The following NFASC variants were observed in gnomAD, a reference collection of about 807,000 sequenced individuals.
NFASC encodes the protein neurofascin homolog.
A neutral mutation model predicts 147.5 loss-of-function variants in NFASC; 43 were observed. That is an observed-to-expected ratio of 0.29 (90% CI 0.23 to 0.38). The LOEUF (loss-of-function observed/expected upper bound fraction) is 0.38, where lower values mean the gene tolerates loss of function less well. NFASC is among the 10% of genes least tolerant of loss of function. The pLI is 1.00. For synonymous variants in NFASC, 622 were observed against 665.5 expected (o/e 0.93, Z 1.01); for missense variants, 1,320 against 1,689.0 (o/e 0.78, Z 3.83).
rs375254568 is a variant in NFASC, at chr1:204,997,162, C to T, written c.2783-8C>T. ...ACCAGACTCGGCTGTTTTACATTTC[C>T]CTCTCAGCTCCTCCCACATTGCCCC... On this transcript the variant is annotated splice_region_variant and splice_polypyrimidine_tract_variant and intron_variant, in intron 24 of 29. Transcript: ENST00000339876. 8.8e-5 allele frequency: 142 copies of T among 1,604,946 alleles called. No homozygotes were observed. Among genetic ancestry groups the T allele is most frequent in the Admixed American group, 6.2e-4 (37 of 59,716 alleles).
chr1:204,908,556 T>C (rs2086563010), intron 1 of NFASC, among the ~76,000 whole-genome samples: 1 of 152,180 alleles, frequency 6.6e-6, no homozygotes, highest in Non-Finnish European at 1.5e-5. Flanking sequence ...TTGTAGCAGA[T>C]AACACTACTT....
chr1:204,936,932 C>CTT (rs751540086), intron 2 of NFASC, among the ~76,000 whole-genome samples: 1 of 152,254 alleles, frequency 6.6e-6, no homozygotes, highest in Non-Finnish European at 1.5e-5. Flanking sequence ...GCCATGCTGG[C>CTT]TTCTCTCAGT....
chr1:204,920,938 C>G (rs2090339723), intron 2 of NFASC, among the ~76,000 whole-genome samples, 198 bp downstream of exon 2: 1 of 152,176 alleles, frequency 6.6e-6, no homozygotes, highest in Non-Finnish European at 1.5e-5. Flanking sequence ...GTTCTCCTTG[C>G]AAGGAGGCTG....
intron 1 of NFASC, among the ~76,000 whole-genome samples, chr1:204,906,048 G>A (rs553991022): frequency 1.7e-4 from 26 of 152,224 alleles, no homozygotes; most frequent in African/African-American, 5.8e-4. Flanking sequence ...TTCCTGCCTA[G>A]ATGTCTGTTG....
intron 1 of NFASC, among the ~76,000 whole-genome samples, chr1:204,853,948 T>C (rs1441019655): frequency 6.6e-6 from 1 of 152,200 alleles, no homozygotes; most frequent in Non-Finnish European, 1.5e-5. Context: ...TGGGGGCTTC[T>C]GCTTGGCTTC....
chr1:204,846,955 G>GTGTGTGTACGCGTGTGTGTGTC (rs200109608), intron 1 of NFASC, among the ~76,000 whole-genome samples: 6 of 146,576 alleles, frequency 4.1e-5, no homozygotes, highest in African/African-American at 1.5e-4. Flanking sequence ...GTGTACGCGT[G>GTGTGTGTACGCGTGTGTGTGTC]TGTGTGTGTG....
intron 1 of NFASC, among the ~76,000 whole-genome samples, chr1:204,892,033 C>T (rs760207134): frequency 7.2e-5 from 11 of 152,188 alleles, no homozygotes; most frequent in Non-Finnish European, 1.3e-4. Flanking sequence ...AGGAATGTGC[C>T]TTGTATGCTG....
rs114533863 is a variant in NFASC at position 204,984,973 on chromosome 1, G to A, written c.2471-2445G>A. Among the ~76,000 whole-genome samples, 552 of 152,338 alleles carry A rather than the reference G, an allele frequency of 3.6e-3. 2 individuals carry two copies. The highest frequency in any genetic ancestry group is 0.013 in the African/African-American group (537 of 41,566). Reference sequence around the variant, plus strand: ...GTTGGAGGCAGAGCAAGAGAGGCTAGTCTCTTCCCAGGAAATGAATTTGGC... The same window carrying A: ...GTTGGAGGCAGAGCAAGAGAGGCTAATCTCTTCCCAGGAAATGAATTTGGC... On this transcript the variant is annotated intron_variant, in intron 21 of 29. Coordinates refer to ENST00000339876, the MANE Select transcript of NFASC (RefSeq NM_001005388.3).
intron 7 of NFASC, among the ~76,000 whole-genome samples, chr1:204,956,708 T>A (rs543180029): frequency 1.1e-4 from 16 of 152,158 alleles, no homozygotes; most frequent in Non-Finnish European, 2.4e-4. Flanking sequence ...CTACAGTAAA[T>A]CAGGAATGGT....
intron 1 of NFASC, among the ~76,000 whole-genome samples, chr1:204,835,186 T>C (rs1351967504): frequency 1.3e-5 from 2 of 151,714 alleles, no homozygotes; most frequent in East Asian, 3.9e-4. Context: ...GAAAAGCCTC[T>C]TGCAAGAGGA....
intron 1 of NFASC, among the ~76,000 whole-genome samples, chr1:204,871,735 C>G (rs1475262043): frequency 6.6e-6 from 1 of 152,218 alleles, no homozygotes; most frequent in African/African-American, 2.4e-5. Flanking sequence ...TCAGGAGAGC[C>G]TTGGTTTCCT....
chr1:204,978,597 CA>C (rs2095452583), intron 17 of NFASC, among the ~76,000 whole-genome samples: 1 of 152,254 alleles, frequency 6.6e-6, no homozygotes, highest in African/African-American at 2.4e-5. Context: ...ACTCCCTCAT[CA>C]GCCTTCCTAA....
chr1:204,959,699 C>A (rs927497951), intron 8 of NFASC, among the ~76,000 whole-genome samples: 1 of 152,258 alleles, frequency 6.6e-6, no homozygotes, highest in Non-Finnish European at 1.5e-5. Flanking sequence ...TTCTGTCATC[C>A]TGGGCAGAGC....
intron 8 of NFASC, among the ~76,000 whole-genome samples, chr1:204,960,191 G>A (rs929926114): frequency 2.0e-5 from 3 of 152,316 alleles, no homozygotes; most frequent in African/African-American, 7.2e-5. Flanking sequence ...TTCTCACCAG[G>A]CACTCCTGTC....
chr1:204,961,930 T>G (rs1319564502), intron 8 of NFASC, among the ~76,000 whole-genome samples: 4 of 152,254 alleles, frequency 2.6e-5, no homozygotes, highest in Non-Finnish European at 5.9e-5. Context: ...TGTTTTGTGT[T>G]GCTTGTTCTT....
chr1:204,913,589 G>T (rs2088288756), intron 1 of NFASC, among the ~76,000 whole-genome samples: 1 of 152,114 alleles, frequency 6.6e-6, no homozygotes, highest in Non-Finnish European at 1.5e-5. Flanking sequence ...AATAAATGAG[G>T]TTAGGATCCT....
intron 24 of NFASC, among the ~76,000 whole-genome samples, chr1:204,996,388 C>T (rs772513960): frequency 6.8e-4 from 104 of 152,260 alleles, no homozygotes; most frequent in Non-Finnish European, 4.0e-4. Context: ...CCCATGTTCT[C>T]ATGTGAATAG....
intron 8 of NFASC, among the ~76,000 whole-genome samples, chr1:204,959,348 C>T (rs1029505231): frequency 8.5e-5 from 13 of 152,212 alleles, no homozygotes; most frequent in South Asian, 2.1e-4. Flanking sequence ...GTTGCTCCCC[C>T]GTCCCTGACT....
intron 1 of NFASC, among the ~76,000 whole-genome samples, chr1:204,862,121 C>T (rs1310393376): frequency 1.3e-5 from 2 of 152,166 alleles, no homozygotes; most frequent in East Asian, 3.8e-4. Flanking sequence ...GTAGGAATAG[C>T]CTTCAGAGTT....
Sources: allele counts gnomAD v4.1 joint callset (sites outside exome capture counted in the v4.1 genomes callset), GRCh38; gene constraint gnomAD v4.1.1; transcripts MANE v1.5; gene names NCBI Gene and HGNC (gene_info 2026-07-23, HGNC 2026-07-21).